OPCML: variants seen among roughly 807,000 people sequenced by gnomAD.
The protein encoded by OPCML is opioid-binding protein/cell adhesion molecule.
In OPCML, 13 loss-of-function variants were observed where a neutral mutation model predicts 37.8. That is an observed-to-expected ratio of 0.34 (90% confidence interval 0.22 to 0.55). OPCML has a LOEUF of 0.55. Ranked by LOEUF, OPCML falls within the 20% of genes least tolerant of loss-of-function variation. The probability of loss-of-function intolerance (pLI) is 0.91; values close to 1 mark genes in which losing one functional copy is unlikely to be tolerated. For missense variants in OPCML, 341 were observed against 435.6 expected (o/e 0.78, Z 1.93); for synonymous variants, 176 against 168.8 (o/e 1.04, Z -0.33).
intron 2 of OPCML, among the ~76,000 whole-genome samples, chr11:132,850,806 G>T: frequency 6.6e-6 from 1 of 152,134 alleles, no homozygotes; most frequent in Non-Finnish European, 1.5e-5. Context: ...TAATAATCCA[G>T]ATAAAAAAGA....
chr11:133,447,334 A>C (rs1282114409), intron 1 of OPCML, among the ~76,000 whole-genome samples: 1 of 152,134 alleles, frequency 6.6e-6, no homozygotes. Flanking sequence ...CTTTGAAGAG[A>C]TACCTATTTA....
At chr11:133,069,936 A>C (rs1189996062) in intron 1 of OPCML, among the ~76,000 whole-genome samples, 5 of 152,160 alleles carry the variant, frequency 3.3e-5, no homozygotes, top group African/African-American at 4.8e-5. Flanking sequence ...AAACTCTAGG[A>C]TCTCCTGATG....
chr11:133,045,611 A>G (rs550445168), intron 1 of OPCML, among the ~76,000 whole-genome samples: 42 of 152,306 alleles, frequency 2.8e-4, no homozygotes, highest in African/African-American at 1.0e-3. Context: ...CCCGCTGGAA[A>G]GCTCTGCCCT....
At chr11:133,466,051 A>G (rs1036485212) in intron 1 of OPCML, among the ~76,000 whole-genome samples, 2 of 152,352 alleles carry the variant, frequency 1.3e-5, no homozygotes, top group East Asian at 3.9e-4. Context: ...TGTCTGAATC[A>G]TAACATTATA....
At chr11:132,875,464 A>ATT (rs564416726) in intron 2 of OPCML, among the ~76,000 whole-genome samples, 6,160 of 138,762 alleles carry the variant, frequency 0.044, 200 homozygotes, top group African/African-American at 0.077. Context: ...TACCCATCTA[A>ATT]TTTTTTTTTT....
At chr11:132,426,679 G>T (rs4937701) in intron 7 of OPCML, among the ~76,000 whole-genome samples, 7 of 152,112 alleles carry the variant, frequency 4.6e-5, no homozygotes, top group Non-Finnish European at 7.4e-5. Context: ...TGACCCACTC[G>T]CCTCGGCCTC....
At chr11:133,350,326 G>GA (rs1414134849) in intron 1 of OPCML, among the ~76,000 whole-genome samples, 2 of 152,226 alleles carry the variant, frequency 1.3e-5, no homozygotes, top group East Asian at 1.9e-4. Context: ...ACACAGTGGG[G>GA]AAAAAATGAT....
intron 3 of OPCML, among the ~76,000 whole-genome samples, chr11:132,532,021 G>A (rs994773426): frequency 2.6e-5 from 4 of 152,112 alleles, no homozygotes; most frequent in Non-Finnish European, 5.9e-5. Flanking sequence ...GGTGCCTCAG[G>A]ATAGAACTCA....
At chr11:132,968,296 A>G (rs1946258867) in intron 1 of OPCML, among the ~76,000 whole-genome samples, 1 of 152,196 alleles carries the variant, frequency 6.6e-6, no homozygotes, top group African/African-American at 2.4e-5. Context: ...ATTTTTAGAA[A>G]CAAAACATTT....
intron 1 of OPCML, among the ~76,000 whole-genome samples, chr11:133,450,921 T>C (rs574773134): frequency 6.6e-6 from 1 of 151,804 alleles, no homozygotes; most frequent in South Asian, 2.1e-4. Context: ...AAGTATGTAA[T>C]ATCAATATGT....
chr11:132,563,980 G>A (rs952666538), intron 3 of OPCML, among the ~76,000 whole-genome samples: 2 of 152,190 alleles, frequency 1.3e-5, no homozygotes, highest in African/African-American at 2.4e-5. Context: ...CCACTGCCAT[G>A]TGAAGAAGGG....
chr11:133,115,352 T>C (rs1047818078), intron 1 of OPCML, among the ~76,000 whole-genome samples: 1 of 152,196 alleles, frequency 6.6e-6, no homozygotes, highest in African/African-American at 2.4e-5. Flanking sequence ...CTGCTCATGC[T>C]TGTGCAGCCT....
In OPCML at chr11:133,206,959, A is replaced by G. The variant is rs1432416554; in HGVS notation, c.62-263949T>C. 6.6e-6 allele frequency among the ~76,000 whole-genome samples: 1 copy of G among 151,838 alleles called. No individual in the cohort carries two copies. The highest frequency in any genetic ancestry group is 1.5e-5 in the Non-Finnish European group (1 of 67,966). On this transcript the variant is annotated intron_variant, in intron 1 of 7. Coordinates refer to ENST00000524381, the MANE Select transcript of OPCML (RefSeq NM_001012393.5). The surrounding 1 kb of genome is among the most constrained non-coding windows in gnomAD (Gnocchi z 4.7). Reference sequence around the variant, plus strand: ...AATCCAGATGTTGCTCCTGAAATGCACTCACGTGATCTCTCAGAGGAACGC... The same window carrying G: ...AATCCAGATGTTGCTCCTGAAATGCGCTCACGTGATCTCTCAGAGGAACGC...
chr11:133,016,219 T>C (rs561536508), intron 1 of OPCML, among the ~76,000 whole-genome samples: 2 of 152,330 alleles, frequency 1.3e-5, no homozygotes, highest in African/African-American at 4.8e-5. Flanking sequence ...GGTTCTCTGT[T>C]TTGGGCCTCA....
chr11:132,793,065 G>A (rs182984393), intron 2 of OPCML, among the ~76,000 whole-genome samples: 7 of 152,294 alleles, frequency 4.6e-5, no homozygotes, highest in African/African-American at 1.7e-4. Context: ...ATCGACTGGG[G>A]TCCGGGGCGC....
chr11:132,878,725 A>C (rs1218150209), intron 2 of OPCML, among the ~76,000 whole-genome samples: 1 of 152,148 alleles, frequency 6.6e-6, no homozygotes, highest in East Asian at 1.9e-4. Context: ...CTATCTATCT[A>C]TCTATCTAAT....
At position 132,560,376 on chromosome 11, in the gene OPCML, T is replaced by C. The variant is rs111499691; in HGVS notation, c.380-31190A>G. 3.3e-3 allele frequency among the ~76,000 whole-genome samples: 497 copies of C among 152,324 alleles called. 5 individuals carry two copies. Among genetic ancestry groups the C allele is most frequent in the African/African-American group, 0.011 (460 of 41,574 alleles). On this transcript the variant is annotated intron_variant, in intron 3 of 7. Transcript: ENST00000524381. ...TTAAAACTTACTTTTTATTTCAATATGTTTTTGGGTAACAGGTGATGTTTG... is the reference window on the plus strand; with the variant it reads ...TTAAAACTTACTTTTTATTTCAATACGTTTTTGGGTAACAGGTGATGTTTG...
Position 132,730,596 on chromosome 11 carries a change from T to A in OPCML, c.147-73277A>T, listed in dbSNP as rs570508087. Among the ~76,000 whole-genome samples the A allele has an allele frequency of 4.6e-5, 7 of 152,258 alleles. No individual in the cohort carries two copies. In the East Asian group the frequency reaches 1.4e-3, roughly 29 times the overall value. On this transcript the variant is annotated intron_variant, in intron 2 of 7. Coordinates refer to ENST00000524381, the MANE Select transcript of OPCML (RefSeq NM_001012393.5). ...AGTGATAAACTGTCAAAGGGACAAT[T>A]CTCTGTGGAAGAGAGCAGTTCTGAT...
At chr11:132,686,986 C>T (rs960439964) in intron 2 of OPCML, among the ~76,000 whole-genome samples, 4 of 151,768 alleles carry the variant, frequency 2.6e-5, no homozygotes, top group Non-Finnish European at 5.9e-5. Context: ...TATTTTTATG[C>T]TACTCAGCTG....
Sources: gnomAD v4.1 joint callset for allele counts (sites outside exome capture counted in the v4.1 genomes callset) on GRCh38, gnomAD v4.1.1 for gene constraint, Gnocchi (gnomAD v3.1) non-coding constraint, MANE v1.5 for transcripts, NCBI Gene and HGNC (gene_info 2026-07-23, HGNC 2026-07-21) for gene names.